The following NLGN4X variants were observed in gnomAD, a reference collection of about 807,000 sequenced individuals.
NLGN4X encodes the protein neuroligin-4, X-linked.
A neutral mutation model predicts 40.3 loss-of-function variants in NLGN4X; 3 were observed. The ratio of observed to expected loss-of-function variants is 0.07; its 90% CI spans 0.03 to 0.19. The LOEUF (loss-of-function observed/expected upper bound fraction) is 0.19, where lower values mean the gene tolerates loss of function less well. NLGN4X is among the 10% of genes least tolerant of loss of function. The pLI, the probability that NLGN4X is intolerant of heterozygous loss-of-function variation, is 1.00. For synonymous variants in NLGN4X, 270 were observed against 306.8 expected (o/e 0.88, Z 1.25); for missense variants, 382 against 708.3 (o/e 0.54, Z 5.23).
At position 5,906,439 on chromosome X, in the gene NLGN4X, C is replaced by A. The variant is rs749062092; in HGVS notation, c.812-2573G>T. Among the ~76,000 whole-genome samples, 12 of 111,776 alleles carry A rather than the reference C, an allele frequency of 1.1e-4. No individual in the cohort carries two copies. The South Asian group carries it at 4.2e-3, about 39-fold the overall frequency. On this transcript the variant is annotated intron_variant, in intron 4 of 5. Coordinates refer to ENST00000381095, the MANE Select transcript of NLGN4X (RefSeq NM_181332.3). ...TGAAGACACTGAGGAGCACAGCGAT[C>A]CAGAAACTTGTCCAGACGGTGCCGA...
intron 2 of NLGN4X, among the ~76,000 whole-genome samples, chrX:6,067,040 T>TGAA (rs2037936322): frequency 1.8e-5 from 2 of 110,773 alleles, no homozygotes; most frequent in East Asian, 5.8e-4. Flanking sequence ...GCCCAGGAGT[T>TGAA]CAAGGTTGCA....
rs955461005 is a variant in NLGN4X, at chrX:5,931,602, C to T, written c.626-22363G>A. On this transcript the variant is annotated intron_variant, in intron 3 of 5. Coordinates refer to ENST00000381095, the MANE Select transcript of NLGN4X (RefSeq NM_181332.3). The stretch of plus-strand genomic sequence containing the variant: ...TTCATTTGGATGGTTTAGAATCCTA[C>T]CTTTAATGAGAAGCATACACAACGT... 5.4e-5 allele frequency among the ~76,000 whole-genome samples: 6 copies of T among 111,474 alleles called. No homozygotes were observed. In the Admixed American group the frequency reaches 5.8e-4, roughly 11 times the overall value.
At chrX:6,099,076 C>T (rs138676342) in intron 2 of NLGN4X, among the ~76,000 whole-genome samples, 364 of 112,027 alleles carry the variant, frequency 3.2e-3, no homozygotes, top group African/African-American at 0.01. Context: ...CCTTAGACAT[C>T]GCCAAATGTC....
intron 2 of NLGN4X, among the ~76,000 whole-genome samples, chrX:6,106,786 A>G (rs1215583968): frequency 8.9e-6 from 1 of 111,821 alleles, no homozygotes; most frequent in African/African-American, 3.2e-5. Context: ...TCATCTATTG[A>G]AAGACATCTT....
At chrX:6,080,283 C>T (rs2038314709) in intron 2 of NLGN4X, among the ~76,000 whole-genome samples, 1 of 111,603 alleles carries the variant, frequency 9.0e-6, no homozygotes, top group African/African-American at 3.3e-5. Context: ...GGTTCAGTCT[C>T]GTATATACTA....
intron 2 of NLGN4X, among the ~76,000 whole-genome samples, chrX:6,090,039 T>C (rs1300645300): frequency 9.0e-6 from 1 of 111,243 alleles, no homozygotes; most frequent in South Asian, 3.7e-4. Context: ...CTGAGAACAA[T>C]CCCAACAAGA....
At chrX:5,985,302 C>T (rs1447064041) in intron 3 of NLGN4X, among the ~76,000 whole-genome samples, 1 of 111,156 alleles carries the variant, frequency 9.0e-6, no homozygotes, top group African/African-American at 3.3e-5. Flanking sequence ...TTCTGTCATC[C>T]AGGTTGCAGT....
chrX:6,207,016 A>T (rs187870206), intron 1 of NLGN4X, among the ~76,000 whole-genome samples: 307 of 108,443 alleles, frequency 2.8e-3, no homozygotes, highest in African/African-American at 9.9e-3. Context: ...GAACAATAAA[A>T]TTGCACTAGA....
intron 3 of NLGN4X, among the ~76,000 whole-genome samples, chrX:5,967,634 A>G (rs1276109276): frequency 9.0e-6 from 1 of 111,727 alleles, no homozygotes; most frequent in Non-Finnish European, 1.9e-5. Context: ...GGTAGCTGGG[A>G]AAATGCTTCT....
At chrX:6,044,504 A>G (rs1425829267) in intron 2 of NLGN4X, among the ~76,000 whole-genome samples, 1 of 111,989 alleles carries the variant, frequency 8.9e-6, no homozygotes, top group Non-Finnish European at 1.9e-5. Flanking sequence ...GTTGTTACAA[A>G]CTGCTAAAAT....
intron 3 of NLGN4X, among the ~76,000 whole-genome samples, chrX:5,933,756 G>A (rs139223890): frequency 0.022 from 2,467 of 110,829 alleles, 27 homozygotes; most frequent in Non-Finnish European, 0.033. Flanking sequence ...AATAAGCATC[G>A]GTAAAATTAA....
intron 2 of NLGN4X, among the ~76,000 whole-genome samples, chrX:6,063,347 A>G (rs1192744217): frequency 2.7e-5 from 3 of 112,101 alleles, no homozygotes; most frequent in Non-Finnish European, 5.6e-5. Flanking sequence ...ATAGCTGGGC[A>G]TGGTGGCAAC....
intron 1 of NLGN4X, among the ~76,000 whole-genome samples, chrX:6,166,458 T>C (rs933060241): frequency 3.6e-5 from 4 of 111,514 alleles, no homozygotes; most frequent in African/African-American, 1.3e-4. Context: ...CTTTTATGCG[T>C]TATTTACCTT....
At position 6,228,847 on chromosome X, in the gene NLGN4X, A is replaced by G. The variant is rs1484142258; in HGVS notation, c.-612T>C. On this transcript the variant is annotated 5_prime_UTR_variant, in exon 1 of 6. Coordinates refer to ENST00000381095, the MANE Select transcript of NLGN4X (RefSeq NM_181332.3). ...AAGAGCTCTGTGCTAAGAGACAGAG[A>G]AGGGAGAGAGACGGTTCTGCAAGAA... 1 of 112,215 alleles carries G rather than the reference A, an allele frequency of 8.9e-6. No homozygotes were observed. 9.2% of individuals were successfully genotyped at this position (112,215 alleles called of 1,213,427 possible).
intron 3 of NLGN4X, among the ~76,000 whole-genome samples, chrX:5,983,691 T>C (rs762574483): frequency 8.0e-5 from 9 of 112,119 alleles, no homozygotes; most frequent in Admixed American, 1.9e-4. Context: ...TAATCCCAAC[T>C]ATTCAAAAGA....
At chrX:5,955,918 A>G (rs756637619) in intron 3 of NLGN4X, among the ~76,000 whole-genome samples, 45 of 109,846 alleles carry the variant, frequency 4.1e-4, no homozygotes, top group Non-Finnish European at 6.6e-4. Flanking sequence ...TTGTTTGGAA[A>G]GCAATGCAAG....
chrX:6,061,399 T>C (rs2037766951), intron 2 of NLGN4X, among the ~76,000 whole-genome samples: 1 of 86,658 alleles, frequency 1.2e-5, no homozygotes, highest in Non-Finnish European at 2.3e-5. Flanking sequence ...TTTTCCATCT[T>C]AAAAGCAATA....
At chrX:6,083,254 G>A (rs757822387) in intron 2 of NLGN4X, among the ~76,000 whole-genome samples, 39 of 110,347 alleles carry the variant, frequency 3.5e-4, no homozygotes, top group East Asian at 5.8e-4. Flanking sequence ...CACCGCGCCC[G>A]GCCCATGATG....
intron 1 of NLGN4X, among the ~76,000 whole-genome samples, chrX:6,168,389 G>T (rs1374701186): frequency 4.4e-5 from 5 of 112,507 alleles, no homozygotes; most frequent in African/African-American, 1.6e-4. Flanking sequence ...AGTCAAAAAG[G>T]TTTTTAAACA....
Sources: gnomAD v4.1 joint callset for allele counts (sites outside exome capture counted in the v4.1 genomes callset) on GRCh38, gnomAD v4.1.1 for gene constraint, MANE v1.5 for transcripts, NCBI Gene and HGNC (gene_info 2026-07-23, HGNC 2026-07-21) for gene names.